Variants in TENM3 observed in about 807,000 individuals in gnomAD.
TENM3 encodes the protein teneurin transmembrane protein 3.
Under a neutral mutation model 255.1 loss-of-function variants are expected in TENM3, and 63 were observed. The observed-to-expected ratio is 0.25, with a 90% CI of 0.20 to 0.30. TENM3 has a LOEUF of 0.30. TENM3 is among the 10% of genes least tolerant of loss of function. The probability of loss-of-function intolerance (pLI) is 1.00; values close to 1 mark genes in which losing one functional copy is unlikely to be tolerated. For missense variants in TENM3, 2,929 were observed against 3,461.1 expected, an observed-to-expected ratio of 0.85 and a Z score of 3.86; for synonymous variants, 1,306 against 1,322.3, an observed-to-expected ratio of 0.99 and a Z score of 0.27.
intron 13 of TENM3, among the ~76,000 whole-genome samples, chr4:182,718,786 AG>A (rs1306243217): frequency 7.2e-5 from 11 of 152,164 alleles, no homozygotes; most frequent in Non-Finnish European, 1.6e-4. Flanking sequence ...TACTTTTAAA[AG>A]CATCATTGCT....
chr4:181,454,691 T>TTTTTTTTTTTTAC, the TENM3 span, among the ~76,000 whole-genome samples: 8 of 150,196 alleles, frequency 5.3e-5, no homozygotes, highest in East Asian at 2.0e-4. Flanking sequence ...ACTTTTTTTT[T>TTTTTTTTTTTTAC]CTGGTGTGCC....
At chr4:182,679,267 C>A (rs142953928) in intron 7 of TENM3, among the ~76,000 whole-genome samples, 2 of 152,052 alleles carry the variant, frequency 1.3e-5, no homozygotes, top group African/African-American at 2.4e-5. Flanking sequence ...ACTCAAAATA[C>A]GTACGACTAT....
chr4:182,347,215 A>AG lies in TENM3; in HGVS notation c.511+287dup, dbSNP rs143582463. Reference sequence around the variant, plus strand: ...TTTGAAAAACAGGTTAATCATCTACAGAAAAAAAAAATAGCTTTGACTTCT... The same window carrying AG: ...TTTGAAAAACAGGTTAATCATCTACAGGAAAAAAAAAATAGCTTTGACTTCT... On this transcript the variant is annotated intron_variant, in intron 3 of 27. Transcript: ENST00000511685. Among the ~76,000 whole-genome samples, 756 of 152,226 alleles carry AG rather than the reference A, an allele frequency of 5.0e-3. 4 individuals carry two copies. Among genetic ancestry groups the AG allele is most frequent in the African/African-American group, 0.017 (720 of 41,520 alleles).
At chr4:181,913,748 G>A in the TENM3 span, among the ~76,000 whole-genome samples, 2 of 152,134 alleles carry the variant, frequency 1.3e-5, no homozygotes, top group Non-Finnish European at 1.5e-5. Context: ...ACAAAGAACA[G>A]GGAAGCTGAA....
chr4:181,876,731 T>A, the TENM3 span, among the ~76,000 whole-genome samples: 1 of 152,160 alleles, frequency 6.6e-6, no homozygotes, highest in Non-Finnish European at 1.5e-5. Flanking sequence ...CTGCTTGAAA[T>A]GCATGTTTTG....
chr4:182,398,065 T>A (rs1278944062), intron 3 of TENM3, among the ~76,000 whole-genome samples: 3 of 152,090 alleles, frequency 2.0e-5, no homozygotes, highest in African/African-American at 7.2e-5. Context: ...GGACAGCCCA[T>A]CAAAATAGAA....
At chr4:181,869,207 T>C in the TENM3 span, among the ~76,000 whole-genome samples, 1 of 152,192 alleles carries the variant, frequency 6.6e-6, no homozygotes, top group East Asian at 1.9e-4. Flanking sequence ...CTATTATATG[T>C]TAATTATCTG....
intron 5 of TENM3, among the ~76,000 whole-genome samples, chr4:182,634,251 T>G (rs1300677790): frequency 3.3e-5 from 5 of 152,154 alleles, no homozygotes; most frequent in African/African-American, 1.2e-4. Context: ...TGTTTTTCAT[T>G]AAACTCAAAC....
chr4:182,044,279 G>GA, the TENM3 span, among the ~76,000 whole-genome samples: 1 of 152,094 alleles, frequency 6.6e-6, no homozygotes, highest in African/African-American at 2.4e-5. Context: ...AGAAAGGAAA[G>GA]AACTTCAAAA....
the TENM3 span, among the ~76,000 whole-genome samples, chr4:181,988,149 A>G: frequency 3.3e-5 from 5 of 151,942 alleles, no homozygotes; most frequent in African/African-American, 1.2e-4. Flanking sequence ...ATCTTATTTC[A>G]TCTACCGCCT....
At chr4:182,307,039 AT>A (rs1473878089) in intron 1 of TENM3, among the ~76,000 whole-genome samples, 4 of 152,246 alleles carry the variant, frequency 2.6e-5, no homozygotes, top group Non-Finnish European at 5.9e-5. Context: ...TGTAGAAATA[AT>A]CCAATGAAAT....
the TENM3 span, among the ~76,000 whole-genome samples, chr4:182,077,973 G>A: frequency 6.6e-6 from 1 of 152,040 alleles, no homozygotes; most frequent in South Asian, 2.1e-4. Flanking sequence ...GAGGCATTAT[G>A]AATCATTACA....
At chr4:182,452,935 A>G (rs1040049554) in intron 3 of TENM3, among the ~76,000 whole-genome samples, 1 of 152,108 alleles carries the variant, frequency 6.6e-6, no homozygotes, top group Admixed American at 6.5e-5. Flanking sequence ...CTTGTTGGGT[A>G]TTTGGAATAC....
chr4:181,559,681 C>T, the TENM3 span, among the ~76,000 whole-genome samples: 14 of 152,352 alleles, frequency 9.2e-5, no homozygotes, highest in Non-Finnish European at 1.6e-4. Flanking sequence ...TTATGACTAT[C>T]GAGTATTGAT....
the TENM3 span, among the ~76,000 whole-genome samples, chr4:182,021,562 T>C: frequency 6.6e-6 from 1 of 152,230 alleles, no homozygotes; most frequent in South Asian, 2.1e-4. Flanking sequence ...CATCATTCTT[T>C]ACCATTAAAG....
chr4:181,961,637 T>C, the TENM3 span, among the ~76,000 whole-genome samples: 1 of 152,158 alleles, frequency 6.6e-6, no homozygotes. Context: ...GCCAAGATGG[T>C]CTCGATCTCC....
intron 3 of TENM3, among the ~76,000 whole-genome samples, chr4:182,539,063 T>C (rs753112336): frequency 2.6e-5 from 4 of 151,498 alleles, no homozygotes; most frequent in Non-Finnish European, 5.9e-5. Context: ...ACTGTGCGTA[T>C]AGATGAGATT....
chr4:181,981,239 A>G, the TENM3 span, among the ~76,000 whole-genome samples: 2 of 151,640 alleles, frequency 1.3e-5, no homozygotes, highest in Non-Finnish European at 2.9e-5. Context: ...CCTACAATTT[A>G]CTCCCAATTT....
intron 3 of TENM3, among the ~76,000 whole-genome samples, chr4:182,350,750 T>A (rs1765111258): frequency 6.6e-6 from 1 of 152,190 alleles, no homozygotes; most frequent in Non-Finnish European, 1.5e-5. Context: ...AGTGGCGTAA[T>A]CTCAGCTCAC....
Sources: allele counts gnomAD v4.1 joint callset (sites outside exome capture counted in the v4.1 genomes callset), GRCh38; gene constraint gnomAD v4.1.1; transcripts MANE v1.5; gene names NCBI Gene and HGNC (gene_info 2026-07-23, HGNC 2026-07-21).